TRDN: variants seen among roughly 807,000 people sequenced by gnomAD.
The protein encoded by TRDN is triadin in skeletal muscle.
Under a neutral mutation model 149.7 loss-of-function variants are expected in TRDN, and 161 were observed. That is an observed-to-expected ratio of 1.08 (90% CI 0.95 to 1.23). The LOEUF is 1.23. Among genes scored for constraint, TRDN ranks in the 50% most tolerant of loss-of-function variants. The pLI is 0.00. For synonymous variants in TRDN, 294 were observed against 250.5 expected, an observed-to-expected ratio of 1.17 and a Z score of -1.64; for missense variants, 896 against 823.5, an observed-to-expected ratio of 1.09 and a Z score of -1.08.
At chr6:123,375,490 T>C in intron 19 of TRDN, 115 bp downstream of exon 19, 1 of 804,708 alleles carries the variant, frequency 1.2e-6, no homozygotes, top group East Asian at 3.1e-5. Flanking sequence ...CAAATAATCA[T>C]ACCAAAAAGC....
intron 24 of TRDN, among the ~76,000 whole-genome samples, chr6:123,314,415 G>C (rs984361645): frequency 6.6e-6 from 1 of 151,870 alleles, no homozygotes; most frequent in East Asian, 1.9e-4. Context: ...AAATTAGTTC[G>C]ACCATTGTGG....
At chr6:123,270,819 T>G (rs1165598897) in intron 30 of TRDN, among the ~76,000 whole-genome samples, 1 of 151,998 alleles carries the variant, frequency 6.6e-6, no homozygotes, top group Non-Finnish European at 1.5e-5. Flanking sequence ...GGAAATGTGG[T>G]TTAAAAATAA....
chr6:123,574,161 T>G (rs1782711449), intron 1 of TRDN, among the ~76,000 whole-genome samples: 1 of 151,984 alleles, frequency 6.6e-6, no homozygotes, highest in Non-Finnish European at 1.5e-5. Flanking sequence ...CAAAAGCTGA[T>G]AAGGAACATC....
rs934363273 is a variant in TRDN, at chr6:123,265,398, A to G, written c.1784-60T>C. 7.8e-5 allele frequency: 87 copies of G among 1,108,606 alleles called. 1 individual carries two copies. The highest frequency in any genetic ancestry group is 5.9e-4 in the South Asian group (36 of 60,782). 68.7% of individuals were successfully genotyped at this position (1,108,606 alleles called of 1,614,324 possible). On this transcript the variant is annotated intron_variant, in intron 32 of 40. Coordinates refer to ENST00000334268, the MANE Select transcript of TRDN (RefSeq NM_006073.4). The stretch of plus-strand genomic sequence containing the variant: ...TGATAATTTTCTATCTATGGGTGAC[A>G]TATCAGCCCTTTATATTTCCTATTT...
rs1485370349 is a variant in TRDN, at chr6:123,447,100, TC to T, written c.932-8098del. On this transcript the variant is annotated intron_variant, in intron 10 of 40. Coordinates refer to ENST00000334268, the MANE Select transcript of TRDN (RefSeq NM_006073.4). ...CTAAGCTGGCCTTTCAGGCTCTGAA[TC>T]CATTTTTTTTTTTGCCTTGACTTTT... Among the ~76,000 whole-genome samples, 6 of 152,082 alleles carry T rather than the reference TC, an allele frequency of 3.9e-5. No homozygotes were observed. In the East Asian group the frequency reaches 1.2e-3, roughly 29 times the overall value.
At chr6:123,528,808 C>T in intron 5 of TRDN, 1 of 997,040 alleles carries the variant, frequency 1.0e-6, no homozygotes, top group East Asian at 1.0e-4. Context: ...CACAGAAAAA[C>T]TGTGGAAAAC....
At chr6:123,220,898 C>T (rs1255837404) in intron 40 of TRDN, among the ~76,000 whole-genome samples, 1 of 151,718 alleles carries the variant, frequency 6.6e-6, no homozygotes, top group African/African-American at 2.4e-5. Context: ...AAATTTATTG[C>T]TTTACCATAT....
At chr6:123,453,418 A>C (rs1273044694) in intron 10 of TRDN, among the ~76,000 whole-genome samples, 1 of 152,136 alleles carries the variant, frequency 6.6e-6, no homozygotes, top group African/African-American at 2.4e-5. Flanking sequence ...AAGAAAAAAA[A>C]CAGACAATCT....
chr6:123,454,390 T>C (rs897595577), intron 10 of TRDN, among the ~76,000 whole-genome samples: 14 of 152,054 alleles, frequency 9.2e-5, no homozygotes, highest in African/African-American at 3.4e-4. Flanking sequence ...GGTAAAAAAA[T>C]ATGTTTTAGT....
chr6:123,289,335 A>C (rs1348555689), intron 24 of TRDN, among the ~76,000 whole-genome samples: 3 of 151,768 alleles, frequency 2.0e-5, no homozygotes, highest in Non-Finnish European at 4.4e-5. Flanking sequence ...ATAGAGGGAG[A>C]GATGGGAAAA....
At chr6:123,501,167 A>C (rs142050660) in intron 8 of TRDN, among the ~76,000 whole-genome samples, 1 of 152,238 alleles carries the variant, frequency 6.6e-6, no homozygotes, top group Non-Finnish European at 1.5e-5. Context: ...TTATTTCCAT[A>C]TACAATATTG....
chr6:123,541,539 C>A (rs975495031), intron 4 of TRDN, among the ~76,000 whole-genome samples: 7 of 152,092 alleles, frequency 4.6e-5, no homozygotes, highest in Non-Finnish European at 8.8e-5. Flanking sequence ...CTTTGTCCCC[C>A]TCTCACCCCC....
At chr6:123,632,432 A>C (rs1009880019) in intron 1 of TRDN, among the ~76,000 whole-genome samples, 1 of 151,818 alleles carries the variant, frequency 6.6e-6, no homozygotes, top group Non-Finnish European at 1.5e-5. Context: ...ACTTTTATCC[A>C]TGGGTCTGTG....
intron 24 of TRDN, among the ~76,000 whole-genome samples, chr6:123,281,352 A>G (rs1777578812): frequency 6.6e-6 from 1 of 152,016 alleles, no homozygotes; most frequent in Non-Finnish European, 1.5e-5. Flanking sequence ...GATGGCTTTT[A>G]CAGAACCCCA....
At chr6:123,530,887 C>T (rs893436860) in intron 4 of TRDN, among the ~76,000 whole-genome samples, 1 of 151,816 alleles carries the variant, frequency 6.6e-6, no homozygotes, top group Non-Finnish European at 1.5e-5. Flanking sequence ...CAATTACTCT[C>T]AATACAAATT....
intron 1 of TRDN, among the ~76,000 whole-genome samples, chr6:123,598,851 C>T (rs1022837687): frequency 6.6e-6 from 1 of 152,026 alleles, no homozygotes; most frequent in Non-Finnish European, 1.5e-5. Flanking sequence ...AAAAGTATTA[C>T]ATGTTTTTTA....
chr6:123,408,828 T>C (rs1452113574), intron 12 of TRDN, among the ~76,000 whole-genome samples: 2 of 152,166 alleles, frequency 1.3e-5, no homozygotes, highest in Non-Finnish European at 2.9e-5. Flanking sequence ...AGAAAAATCA[T>C]TTTACGAGTG....
intron 1 of TRDN, among the ~76,000 whole-genome samples, chr6:123,617,225 A>G (rs973390063): frequency 1.3e-5 from 2 of 152,128 alleles, no homozygotes; most frequent in Non-Finnish European, 2.9e-5. Flanking sequence ...AAGTAGGGCA[A>G]GGTGTCCTGG....
chr6:123,634,964 A>C (rs1786220903), intron 1 of TRDN, among the ~76,000 whole-genome samples: 1 of 151,946 alleles, frequency 6.6e-6, no homozygotes, highest in South Asian at 2.1e-4. Context: ...CAGAAACAAA[A>C]GCTCTATTTC....
Sources: gnomAD v4.1 joint callset for allele counts (sites outside exome capture counted in the v4.1 genomes callset) on GRCh38, gnomAD v4.1.1 for gene constraint, MANE v1.5 for transcripts, NCBI Gene and HGNC (gene_info 2026-07-23, HGNC 2026-07-21) for gene names.